Variants in CDH8 observed in about 807,000 individuals in gnomAD.
CDH8 encodes the protein cadherin-8.
Under a neutral mutation model 68.1 loss-of-function variants are expected in CDH8, and 17 were observed. That is an observed-to-expected ratio of 0.25 (90% CI 0.17 to 0.37). The LOEUF is 0.37. Ranked by LOEUF, CDH8 falls within the 10% of genes least tolerant of loss-of-function variation. The probability of loss-of-function intolerance (pLI) is 1.00; values close to 1 mark genes in which losing one functional copy is unlikely to be tolerated. For missense variants in CDH8, 763 were observed against 999.3 expected, an observed-to-expected ratio of 0.76 and a Z score of 3.19; for synonymous variants, 372 against 365.1, an observed-to-expected ratio of 1.02 and a Z score of -0.21.
chr16:62,010,172 T>C (rs1303381174), intron 2 of CDH8, among the ~76,000 whole-genome samples: 1 of 152,214 alleles, frequency 6.6e-6, no homozygotes, highest in Non-Finnish European at 1.5e-5. Context: ...GCAAAGCATA[T>C]AGAGGTGCAA....
chr16:61,748,322 A>T, intron 8 of CDH8, among the ~76,000 whole-genome samples: 1 of 152,154 alleles, frequency 6.6e-6, no homozygotes, highest in Middle Eastern at 3.4e-3. Flanking sequence ...CTATGGAGAA[A>T]GTGGCATGAT....
At chr16:61,842,021 G>C (rs929620530) in intron 4 of CDH8, among the ~76,000 whole-genome samples, 1 of 151,182 alleles carries the variant, frequency 6.6e-6, no homozygotes, top group Non-Finnish European at 1.5e-5. Context: ...CTGAGTAGCT[G>C]GGACTACAGT....
intron 2 of CDH8, among the ~76,000 whole-genome samples, chr16:62,006,437 G>C (rs1965976790): frequency 6.6e-6 from 1 of 152,162 alleles, no homozygotes. Flanking sequence ...CTGGGACAGT[G>C]ACTAAATTTC....
At chr16:61,814,452 G>T (rs1423055603) in intron 7 of CDH8, among the ~76,000 whole-genome samples, 1 of 152,140 alleles carries the variant, frequency 6.6e-6, no homozygotes, top group Non-Finnish European at 1.5e-5. Flanking sequence ...ATAGTAGTAG[G>T]TATAAGAAGT....
At chr16:61,846,074 A>G (rs1962800565) in intron 4 of CDH8, among the ~76,000 whole-genome samples, 1 of 152,124 alleles carries the variant, frequency 6.6e-6, no homozygotes, top group Non-Finnish European at 1.5e-5. Flanking sequence ...GATTCTCTTG[A>G]GACTGAATAT....
chr16:61,740,142 G>A (rs1436421261), intron 8 of CDH8, among the ~76,000 whole-genome samples: 2 of 151,636 alleles, frequency 1.3e-5, no homozygotes, highest in Non-Finnish European at 2.9e-5. Context: ...TCCTGACCTC[G>A]TGGTCTGCCC....
At chr16:61,908,764 A>G (rs1000367715) in intron 2 of CDH8, among the ~76,000 whole-genome samples, 1 of 152,182 alleles carries the variant, frequency 6.6e-6, no homozygotes, top group Non-Finnish European at 1.5e-5. Context: ...GTCAATCTAA[A>G]TAAGGCAAAT....
intron 3 of CDH8, among the ~76,000 whole-genome samples, chr16:61,862,026 G>T (rs2143018226): frequency 6.6e-6 from 1 of 151,884 alleles, no homozygotes; most frequent in East Asian, 1.9e-4. Context: ...ATTAAATTTG[G>T]GGGGAAACAC....
intron 7 of CDH8, among the ~76,000 whole-genome samples, chr16:61,790,571 C>T (rs187873698): frequency 3.9e-5 from 6 of 152,028 alleles, no homozygotes; most frequent in African/African-American, 1.4e-4. Context: ...TTCATTGATA[C>T]TCATTAAACT....
chr16:61,871,185 A>AT (rs764713570), intron 3 of CDH8, among the ~76,000 whole-genome samples: 5 of 151,676 alleles, frequency 3.3e-5, no homozygotes, highest in Non-Finnish European at 5.9e-5. Flanking sequence ...CAATAAGTAT[A>AT]TTTTTCCTTT....
intron 3 of CDH8, among the ~76,000 whole-genome samples, chr16:61,859,777 A>G (rs1250489949): frequency 2.6e-5 from 4 of 152,170 alleles, no homozygotes; most frequent in Non-Finnish European, 4.4e-5. Flanking sequence ...AGGTGTTGCT[A>G]ACATAACAAT....
chr16:61,946,198 C>T (rs535233475), intron 2 of CDH8, among the ~76,000 whole-genome samples: 3 of 152,140 alleles, frequency 2.0e-5, no homozygotes, highest in Non-Finnish European at 4.4e-5. Context: ...AAGATCTACC[C>T]TGCTGTTTTG....
intron 2 of CDH8, among the ~76,000 whole-genome samples, chr16:62,008,536 T>C (rs546898519): frequency 6.6e-6 from 1 of 152,232 alleles, no homozygotes; most frequent in African/African-American, 2.4e-5. Context: ...TCTCGCTGTG[T>C]TGCCCATGCT....
intron 2 of CDH8, among the ~76,000 whole-genome samples, chr16:61,961,230 G>A (rs1210269874): frequency 2.0e-5 from 3 of 151,908 alleles, no homozygotes; most frequent in Non-Finnish European, 4.4e-5. Context: ...CGGAAGAATC[G>A]CTTGAACCCG....
intron 1 of CDH8, among the ~76,000 whole-genome samples, chr16:62,029,933 T>C (rs1902285119): frequency 6.6e-6 from 1 of 152,196 alleles, no homozygotes; most frequent in Non-Finnish European, 1.5e-5. Context: ...GTGGAAATGG[T>C]TAAAATCACT....
chr16:61,975,543 G>A (rs1217274761), intron 2 of CDH8, among the ~76,000 whole-genome samples: 1 of 152,122 alleles, frequency 6.6e-6, no homozygotes, highest in Non-Finnish European at 1.5e-5. Context: ...GAAACTAAGT[G>A]GGATGTAAAT....
At chr16:61,708,894 G>A (rs905140236) in intron 10 of CDH8, among the ~76,000 whole-genome samples, 2 of 152,140 alleles carry the variant, frequency 1.3e-5, no homozygotes, top group Admixed American at 6.5e-5. Context: ...GGTAATAGTA[G>A]ACAACTTACA....
At chr16:61,798,740 A>T (rs1215553087) in intron 7 of CDH8, among the ~76,000 whole-genome samples, 1 of 152,196 alleles carries the variant, frequency 6.6e-6, no homozygotes, top group Admixed American at 6.5e-5. Flanking sequence ...TTATTTGAAC[A>T]TGGAAAGCAA....
At chr16:61,760,381 G>A (rs566659901) in intron 8 of CDH8, among the ~76,000 whole-genome samples, 226 of 151,336 alleles carry the variant, frequency 1.5e-3, no homozygotes, top group South Asian at 3.4e-3. Flanking sequence ...GCGCAATCTC[G>A]GGTCACTGCA....
Sources: allele counts gnomAD v4.1 joint callset (sites outside exome capture counted in the v4.1 genomes callset), GRCh38; gene constraint gnomAD v4.1.1; transcripts MANE v1.5; gene names NCBI Gene and HGNC (gene_info 2026-07-23, HGNC 2026-07-21).